RABGAP1L: variants seen among roughly 807,000 people sequenced by gnomAD.
RABGAP1L encodes RAB GTPase activating protein 1 like.
In RABGAP1L, 63 loss-of-function variants were observed where a neutral mutation model predicts 137.7. That is an observed-to-expected ratio of 0.46 (90% confidence interval 0.37 to 0.56). RABGAP1L has a LOEUF of 0.56. RABGAP1L is among the 20% of genes least tolerant of loss of function. The pLI is 0.00. For missense variants in RABGAP1L, 1,095 were observed against 1,244.0 expected (o/e 0.88, Z 1.80); for synonymous variants, 431 against 433.7 (o/e 0.99, Z 0.08).
intron 11 of RABGAP1L, among the ~76,000 whole-genome samples, chr1:174,356,640 A>G (rs1272432514): frequency 6.6e-6 from 1 of 152,180 alleles, no homozygotes; most frequent in African/African-American, 2.4e-5. Flanking sequence ...TTTTGATTGA[A>G]GTATCATACA....
At chr1:174,749,917 A>G (rs1248327754) in intron 17 of RABGAP1L, among the ~76,000 whole-genome samples, 1 of 152,050 alleles carries the variant, frequency 6.6e-6, no homozygotes, top group Non-Finnish European at 1.5e-5. Flanking sequence ...TCGCTCTGTC[A>G]CCCAGGCTGG....
At chr1:174,435,650 A>T (rs1192028565) in intron 13 of RABGAP1L, among the ~76,000 whole-genome samples, 1 of 151,742 alleles carries the variant, frequency 6.6e-6, no homozygotes, top group Non-Finnish European at 1.5e-5. Context: ...CAAGATCTTA[A>T]CTCTTTTTTT....
chr1:174,843,841 C>T (rs1433447694), intron 19 of RABGAP1L, among the ~76,000 whole-genome samples: 4 of 131,838 alleles, frequency 3.0e-5, no homozygotes, highest in Admixed American at 2.4e-4. Context: ...TACAGTCCCA[C>T]CAACAGTGTA....
intron 11 of RABGAP1L, among the ~76,000 whole-genome samples, chr1:174,314,130 A>T (rs1385613551): frequency 6.6e-6 from 1 of 152,174 alleles, no homozygotes; most frequent in African/African-American, 2.4e-5. Context: ...CAGTGAAGTC[A>T]TCGGTTCCTG....
At chr1:174,654,972 G>A (rs78172621) in intron 14 of RABGAP1L, among the ~76,000 whole-genome samples, 11,877 of 151,990 alleles carry the variant, frequency 0.078, 638 homozygotes, top group East Asian at 0.32. Flanking sequence ...AGATTCAACA[G>A]AGAAAATGAT....
intron 14 of RABGAP1L, among the ~76,000 whole-genome samples, chr1:174,682,394 G>T (rs1678142898): frequency 6.7e-6 from 1 of 150,098 alleles, no homozygotes; most frequent in African/African-American, 2.5e-5. Flanking sequence ...TTCAGTGACT[G>T]GACCATGAAG....
intron 13 of RABGAP1L, chr1:174,449,310 A>G: frequency 1.1e-6 from 1 of 904,718 alleles, no homozygotes; most frequent in East Asian, 2.5e-5. Context: ...TGACTGTAAA[A>G]TGAAGTATGA....
rs1428551775 is a variant in RABGAP1L at position 174,698,904 on chromosome 1, G to A, written c.1900-621G>A. On this transcript the variant is annotated intron_variant, in intron 15 of 25. Transcript: ENST00000681986. The stretch of plus-strand genomic sequence containing the variant: ...TATGAGGCTATGCAAAAGAGGTTGG[G>A]GGGTGTAGGTACCGGGGATTAGTTT... Among the ~76,000 whole-genome samples the A allele has an allele frequency of 2.6e-5, 4 of 152,046 alleles. No homozygotes were observed. In the East Asian group the frequency reaches 5.8e-4, roughly 22 times the overall value.
chr1:174,729,055 A>C (rs1682242305), intron 17 of RABGAP1L, among the ~76,000 whole-genome samples: 1 of 152,206 alleles, frequency 6.6e-6, no homozygotes, highest in Admixed American at 6.5e-5. Context: ...TGGAGGCGTC[A>C]CATTACCTGT....
chr1:174,671,383 A>G (rs556704711), intron 14 of RABGAP1L, among the ~76,000 whole-genome samples: 6 of 152,190 alleles, frequency 3.9e-5, no homozygotes, highest in African/African-American at 7.2e-5. Flanking sequence ...AGAAGTGAGA[A>G]TGGACATCCA....
intron 1 of RABGAP1L, among the ~76,000 whole-genome samples, chr1:174,181,340 CTTTTTTT>C (rs1179097330): frequency 1.4e-5 from 2 of 138,932 alleles, no homozygotes; most frequent in African/African-American, 2.7e-5. Context: ...TTCTTTTTTT[CTTTTTTT>C]TTTTTTTTGA....
chr1:174,198,831 G>A (rs1164376751), intron 1 of RABGAP1L, among the ~76,000 whole-genome samples: 2 of 152,198 alleles, frequency 1.3e-5, no homozygotes, highest in African/African-American at 2.4e-5. Flanking sequence ...GGCCAGGGCC[G>A]GGCATGGTGG....
At chr1:174,881,702 G>A (rs1654250012) in intron 19 of RABGAP1L, among the ~76,000 whole-genome samples, 1 of 151,668 alleles carries the variant, frequency 6.6e-6, no homozygotes, top group African/African-American at 2.4e-5. Flanking sequence ...ATTTCACTAT[G>A]TTGGCCAGGC....
At chr1:174,333,478 A>T (rs1681212007) in intron 11 of RABGAP1L, among the ~76,000 whole-genome samples, 1 of 152,230 alleles carries the variant, frequency 6.6e-6, no homozygotes, top group South Asian at 2.1e-4. Context: ...TAAAATAAAA[A>T]TGCGTTTAAT....
intron 17 of RABGAP1L, among the ~76,000 whole-genome samples, chr1:174,714,168 A>G (rs1038003808): frequency 1.3e-5 from 2 of 150,848 alleles, no homozygotes; most frequent in African/African-American, 4.8e-5. Flanking sequence ...AGGGATGTTA[A>G]TTTAAAAAAA....
intron 14 of RABGAP1L, among the ~76,000 whole-genome samples, chr1:174,678,311 T>TA (rs1206834984): frequency 5.3e-5 from 8 of 152,128 alleles, no homozygotes; most frequent in Non-Finnish European, 1.2e-4. Context: ...ATACCAGTCT[T>TA]ACGCAAAACT....
At chr1:174,641,278 CTG>C (rs1449479642) in intron 14 of RABGAP1L, among the ~76,000 whole-genome samples, 1 of 152,000 alleles carries the variant, frequency 6.6e-6, no homozygotes, top group African/African-American at 2.4e-5. Flanking sequence ...AGAGGGAAGA[CTG>C]TTAAAAACTC....
intron 14 of RABGAP1L, among the ~76,000 whole-genome samples, chr1:174,660,949 TAGAAA>T (rs1318186111): frequency 6.6e-6 from 1 of 152,212 alleles, no homozygotes; most frequent in Non-Finnish European, 1.5e-5. Flanking sequence ...CATCTTCCAC[TAGAAA>T]ATAAGCTATA....
At chr1:174,511,485 T>G (rs1248392322) in intron 13 of RABGAP1L, among the ~76,000 whole-genome samples, 1 of 152,176 alleles carries the variant, frequency 6.6e-6, no homozygotes, top group Non-Finnish European at 1.5e-5. Flanking sequence ...AAATTAAAAG[T>G]TCATGCTTTT....
Sources: gnomAD v4.1 joint callset for allele counts (sites outside exome capture counted in the v4.1 genomes callset) on GRCh38, gnomAD v4.1.1 for gene constraint, MANE v1.5 for transcripts, NCBI Gene and HGNC (gene_info 2026-07-23, HGNC 2026-07-21) for gene names.